GLI2: variants seen among roughly 807,000 people sequenced by gnomAD.
GLI2 encodes the protein GLI family zinc finger 2, also known as transcription activator GLI2.
Under a neutral mutation model 78.9 loss-of-function variants are expected in GLI2, and 22 were observed. The observed-to-expected ratio is 0.28, with a 90% CI of 0.20 to 0.40. The LOEUF is 0.40. Among genes scored for constraint, GLI2 ranks in the 10% least tolerant of loss-of-function variants. The pLI is 1.00. For missense variants in GLI2, 2,097 were observed against 2,213.2 expected, an observed-to-expected ratio of 0.95 and a Z score of 1.05; for synonymous variants, 974 against 963.7, an observed-to-expected ratio of 1.01 and a Z score of -0.20.
chr2:120,904,675 G>A (rs1678432979), intron 2 of GLI2, among the ~76,000 whole-genome samples: 1 of 152,178 alleles, frequency 6.6e-6, no homozygotes, highest in Non-Finnish European at 1.5e-5. Context: ...AATCCACTGG[G>A]GAGCTTTTTA....
chr2:120,962,295 T>C (rs772750110), intron 5 of GLI2, among the ~76,000 whole-genome samples: 2 of 152,196 alleles, frequency 1.3e-5, no homozygotes, highest in Non-Finnish European at 2.9e-5. Flanking sequence ...TGGGATTCTC[T>C]AGAATAATTC....
chr2:120,839,149 A>G (rs980759339), intron 2 of GLI2, among the ~76,000 whole-genome samples: 7 of 152,198 alleles, frequency 4.6e-5, no homozygotes, highest in African/African-American at 7.2e-5. Context: ...TCCCTTTCCA[A>G]TATTCAAATA....
intron 2 of GLI2, among the ~76,000 whole-genome samples, chr2:120,866,017 C>G (rs1688114163): frequency 6.6e-6 from 1 of 152,202 alleles, no homozygotes; most frequent in Admixed American, 6.5e-5. Context: ...CACTCTTGCT[C>G]CCCATGCTGA....
Position 120,773,343 on chromosome 2 carries a change from A to G in GLI2, c.-30-23948A>G, listed in dbSNP as rs552309635. On this transcript the variant is annotated intron_variant, in intron 1 of 13. Coordinates refer to ENST00000361492, the MANE Select transcript of GLI2 (RefSeq NM_001374353.1). ...CATTCTGAGACTCTGCTTTTCTGAG[A>G]GGAAAGCCAAGCCCTGCAGTGTGAG... 2.7e-4 allele frequency among the ~76,000 whole-genome samples: 41 copies of G among 152,178 alleles called. 1 individual carries two copies. Among genetic ancestry groups the G allele is most frequent in the Middle Eastern group, 6.8e-3 (2 of 294 alleles).
chr2:120,952,153 T>G (rs1247122557), intron 4 of GLI2, among the ~76,000 whole-genome samples: 2 of 152,228 alleles, frequency 1.3e-5, no homozygotes, highest in South Asian at 2.1e-4. Context: ...AGTCCCACCA[T>G]GCCGTCTCCC....
At position 120,989,865 on chromosome 2, in the gene GLI2, A is replaced by G; in HGVS notation, c.3900A>G (p.Pro1300=). Residue 1300 remains proline (P), a synonymous_variant, in exon 14 of 14, where the codon CCA becomes CCG. Coordinates refer to ENST00000361492, the MANE Select transcript of GLI2 (RefSeq NM_001374353.1). ...TGGCTGGAGTGCCACCACCTCACCC[A>G]GTCCAGAGCTACCCACAGCAGAGCC... is the stretch of plus-strand genomic sequence containing the variant. ...SALAGVPPPH[P]VQSYPQQSHH... 2.5e-6 allele frequency: 4 copies of G among 1,613,004 alleles called. No individual in the cohort carries two copies. Among genetic ancestry groups the G allele is most frequent in the Non-Finnish European group, 3.4e-6 (4 of 1,179,884 alleles).
intron 2 of GLI2, among the ~76,000 whole-genome samples, chr2:120,801,419 G>C (rs918906625): frequency 2.6e-5 from 4 of 152,170 alleles, no homozygotes; most frequent in Non-Finnish European, 5.9e-5. Flanking sequence ...GATTACAGGC[G>C]TGAGCCACCT....
At position 120,988,964 on chromosome 2, in the gene GLI2, G is replaced by A. The variant is rs781540070; in HGVS notation, c.2999G>A (p.Gly1000Asp). ...CTGCAGAGCCACCCGAGCACCGACG[G>A]CGGCCTGGCCCGCGGCGCCTACTCG... ...LRLQSHPSTD[G>D]GLARGAYSPR... Residue 1000 changes from glycine (G) to aspartate (D), a missense_variant, in exon 14 of 14, where the codon GGC (glycine) becomes GAC (aspartate). By Grantham distance (94) the Gly-to-Asp change is moderately conservative. Transcript: ENST00000361492. The A allele has an allele frequency of 2.2e-5, 34 of 1,548,790 alleles. No homozygotes were observed. Among genetic ancestry groups the A allele is most frequent in the Non-Finnish European group, 2.9e-5 (34 of 1,153,040 alleles).
intron 2 of GLI2, among the ~76,000 whole-genome samples, chr2:120,922,045 A>G (rs922472875): frequency 1.3e-5 from 2 of 151,948 alleles, no homozygotes; most frequent in African/African-American, 4.8e-5. Context: ...CCCCTCTGAC[A>G]CTATGTTATA....
chr2:120,864,413 T>C (rs1212951204), intron 2 of GLI2, among the ~76,000 whole-genome samples: 3 of 152,152 alleles, frequency 2.0e-5, no homozygotes, highest in Non-Finnish European at 4.4e-5. Context: ...TGTGTCTCGA[T>C]GGCTGAAGGT....
chr2:120,843,027 T>TA, intron 2 of GLI2, among the ~76,000 whole-genome samples: 1 of 152,226 alleles, frequency 6.6e-6, no homozygotes, highest in Non-Finnish European at 1.5e-5. Flanking sequence ...ATGATGACAC[T>TA]AAAATAATAT....
intron 2 of GLI2, among the ~76,000 whole-genome samples, chr2:120,908,607 G>A (rs977692619): frequency 1.3e-5 from 2 of 152,150 alleles, no homozygotes; most frequent in African/African-American, 4.8e-5. Context: ...TCCTAGGAGG[G>A]AAGACACCCC....
At chr2:120,902,203 C>A (rs953358059) in intron 2 of GLI2, among the ~76,000 whole-genome samples, 4 of 124,764 alleles carry the variant, frequency 3.2e-5, no homozygotes, top group African/African-American at 1.2e-4. Flanking sequence ...CCACCCCCAA[C>A]CCCTTGCCCC....
At chr2:120,941,937 C>T (rs1573641468) in intron 3 of GLI2, among the ~76,000 whole-genome samples, 1 of 152,192 alleles carries the variant, frequency 6.6e-6, no homozygotes, top group Non-Finnish European at 1.5e-5. Context: ...GCCCTGTGCA[C>T]ATGGGGATGG....
At chr2:120,904,989 C>T (rs1210532851) in intron 2 of GLI2, among the ~76,000 whole-genome samples, 3 of 152,262 alleles carry the variant, frequency 2.0e-5, no homozygotes, top group African/African-American at 4.8e-5. Context: ...ATCGTTGCCA[C>T]GGACAGTGAT....
chr2:120,747,029 T>C (rs1682716320), intron 1 of GLI2, among the ~76,000 whole-genome samples: 1 of 152,210 alleles, frequency 6.6e-6, no homozygotes, highest in African/African-American at 2.4e-5. Context: ...CTGTTCCTAG[T>C]TTTTGTTATT....
rs554909677 is a variant in GLI2 at position 120,844,390 on chromosome 2, A to C, written c.148+46922A>C. Among the ~76,000 whole-genome samples, 4 of 152,208 alleles carry C rather than the reference A, an allele frequency of 2.6e-5. No individual in the cohort carries two copies. The South Asian group carries it at 6.2e-4, about 24-fold the overall frequency. Reference sequence around the variant, plus strand: ...GATGGAATCTGCATAAAATTAGTACATCCAGCCCTACTTGGGTACAAGCTC... The same window carrying C: ...GATGGAATCTGCATAAAATTAGTACCTCCAGCCCTACTTGGGTACAAGCTC... On this transcript the variant is annotated intron_variant, in intron 2 of 13. Coordinates refer to ENST00000361492, the MANE Select transcript of GLI2 (RefSeq NM_001374353.1).
At chr2:120,805,400 G>T (rs769931366) in intron 2 of GLI2, among the ~76,000 whole-genome samples, 1 of 152,246 alleles carries the variant, frequency 6.6e-6, no homozygotes, top group East Asian at 1.9e-4. Flanking sequence ...GACAGTGCCG[G>T]TGGCTCCTGC....
At chr2:120,923,237 C>T (rs1679475023) in intron 2 of GLI2, among the ~76,000 whole-genome samples, 1 of 77,136 alleles carries the variant, frequency 1.3e-5, no homozygotes, top group Admixed American at 1.6e-4. Context: ...TACACAGCAA[C>T]ACACACACAC....
Sources: allele counts gnomAD v4.1 joint callset (sites outside exome capture counted in the v4.1 genomes callset), GRCh38; gene constraint gnomAD v4.1.1; transcripts MANE v1.5; gene names NCBI Gene and HGNC (gene_info 2026-07-23, HGNC 2026-07-21).